SAMMSON: variants seen among roughly 807,000 people sequenced by gnomAD.
The protein encoded by SAMMSON is survival associated mitochondrial melanoma specific oncogenic non-coding RNA.
intron 4 of SAMMSON, among the ~76,000 whole-genome samples, chr3:70,163,355 A>T (rs1003495311): frequency 4.6e-5 from 6 of 130,456 alleles, no homozygotes; most frequent in African/African-American, 1.7e-4. Flanking sequence ...ATATATATAT[A>T]GAGAGAGAGA....
At chr3:70,145,520 A>T (rs1345183220) in intron 4 of SAMMSON, among the ~76,000 whole-genome samples, 1 of 152,156 alleles carries the variant, frequency 6.6e-6, no homozygotes, top group Non-Finnish European at 1.5e-5. Context: ...TACAATGTAT[A>T]AAACCAGAAA....
At chr3:70,281,973 G>A (rs180844692) in intron 6 of SAMMSON, among the ~76,000 whole-genome samples, 315 of 152,304 alleles carry the variant, frequency 2.1e-3, no homozygotes, top group African/African-American at 7.3e-3. Context: ...GCCAGTCCTG[G>A]CTTAGGATGG....
chr3:70,046,327 T>C lies in SAMMSON; in HGVS notation n.418-25149T>C, dbSNP rs570425792. On this transcript the variant is annotated intron_variant and non_coding_transcript_variant, in intron 3 of 9. Transcript: ENST00000642114. ...GATGCAGATCTTCCCGGTGAGCACT[T>C]TGGAGTCCTGCTGATTGGCTATAAG... 2.6e-5 allele frequency among the ~76,000 whole-genome samples: 4 copies of C among 152,182 alleles called. No individual in the cohort carries two copies. In the East Asian group the frequency reaches 7.8e-4, roughly 30 times the overall value.
At chr3:70,047,502 A>G (rs1464805467) in intron 3 of SAMMSON, among the ~76,000 whole-genome samples, 1 of 151,792 alleles carries the variant, frequency 6.6e-6, no homozygotes, top group Non-Finnish European at 1.5e-5. Flanking sequence ...ATGCACAGCT[A>G]ATTTTTGTAT....
chr3:70,156,429 A>C (rs546989418), intron 4 of SAMMSON, among the ~76,000 whole-genome samples: 1 of 152,140 alleles, frequency 6.6e-6, no homozygotes, highest in Admixed American at 6.6e-5. Flanking sequence ...TGTTCAGGCA[A>C]GGTCAGGAAA....
chr3:70,238,989 A>G (rs1701639184), intron 4 of SAMMSON, among the ~76,000 whole-genome samples: 1 of 152,216 alleles, frequency 6.6e-6, no homozygotes, highest in African/African-American at 2.4e-5. Context: ...AAATATTCAC[A>G]GAGTGGAAAT....
At chr3:70,008,191 C>T (rs926505692) in intron 1 of SAMMSON, among the ~76,000 whole-genome samples, 40 of 152,136 alleles carry the variant, frequency 2.6e-4, no homozygotes, top group East Asian at 5.8e-4. Context: ...AGAAAGTCAT[C>T]GGTAGCTTGA....
chr3:70,432,130 G>A (rs149854889), intron 2 of SAMMSON, among the ~76,000 whole-genome samples: 321 of 152,020 alleles, frequency 2.1e-3, no homozygotes, highest in African/African-American at 7.3e-3. Context: ...CAGCCAAACC[G>A]AGGAATTTGT....
chr3:70,176,307 A>T (rs1057051277), intron 4 of SAMMSON, among the ~76,000 whole-genome samples: 11 of 152,150 alleles, frequency 7.2e-5, no homozygotes, highest in African/African-American at 2.7e-4. Flanking sequence ...CAAGAAATGT[A>T]CTTGAAGGAA....
intron 4 of SAMMSON, chr3:70,206,884 C>G (rs1701296666): frequency 2.5e-6 from 1 of 395,420 alleles, no homozygotes; most frequent in East Asian, 3.6e-5. Flanking sequence ...TTTGACTTTC[C>G]TAAGATTAAA....
intron 4 of SAMMSON, among the ~76,000 whole-genome samples, chr3:70,226,168 T>G (rs1425873115): frequency 3.3e-5 from 5 of 152,192 alleles, no homozygotes; most frequent in African/African-American, 1.2e-4. Flanking sequence ...AGCATTTCCT[T>G]CACTCATTCG....
intron 4 of SAMMSON, among the ~76,000 whole-genome samples, chr3:70,189,689 T>C (rs866079528): frequency 6.6e-6 from 1 of 152,250 alleles, no homozygotes; most frequent in Non-Finnish European, 1.5e-5. Flanking sequence ...AGCTCCAGAT[T>C]TGGTAAGTAA....
chr3:70,299,141 A>G (rs1182073890), intron 7 of SAMMSON, among the ~76,000 whole-genome samples: 1 of 152,142 alleles, frequency 6.6e-6, no homozygotes, highest in Non-Finnish European at 1.5e-5. Flanking sequence ...ATATCCAAAC[A>G]TAGGTAATTG....
intron 7 of SAMMSON, chr3:70,292,182 A>C (rs1702245172): frequency 6.6e-6 from 1 of 152,194 alleles, no homozygotes; most frequent in Non-Finnish European, 1.5e-5. Context: ...TCTGAATTCA[A>C]GCTTCCCTTT....
intron 3 of SAMMSON, among the ~76,000 whole-genome samples, chr3:70,043,194 T>G (rs2107587052): frequency 6.6e-6 from 1 of 152,176 alleles, no homozygotes; most frequent in South Asian, 2.1e-4. Context: ...TGCCACTGAT[T>G]AGTTATGCAA....
At chr3:70,153,440 C>T (rs1432254895) in intron 4 of SAMMSON, among the ~76,000 whole-genome samples, 1 of 151,810 alleles carries the variant, frequency 6.6e-6, no homozygotes, top group African/African-American at 2.4e-5. Flanking sequence ...GCAACGGATA[C>T]CACTGAGGAA....
At chr3:70,045,490 T>C (rs1338392296) in intron 3 of SAMMSON, among the ~76,000 whole-genome samples, 5 of 151,702 alleles carry the variant, frequency 3.3e-5, no homozygotes, top group African/African-American at 1.2e-4. Context: ...AATAGTCCAA[T>C]GCCCTGCCAC....
chr3:70,076,636 G>C (rs1415642664), intron 4 of SAMMSON, among the ~76,000 whole-genome samples: 2 of 152,118 alleles, frequency 1.3e-5, no homozygotes, highest in African/African-American at 2.4e-5. Flanking sequence ...CTGAAAAACA[G>C]CACCTCTGAT....
At chr3:70,292,956 C>G (rs1702252887) in intron 7 of SAMMSON, among the ~76,000 whole-genome samples, 2 of 143,406 alleles carry the variant, frequency 1.4e-5, no homozygotes, top group Non-Finnish European at 3.0e-5. Flanking sequence ...CAATTAATTA[C>G]TAACAATTTA....
Sources: allele counts gnomAD v4.1 joint callset (sites outside exome capture counted in the v4.1 genomes callset), GRCh38; gene constraint gnomAD v4.1.1; transcripts MANE v1.5; gene names NCBI Gene and HGNC (gene_info 2026-07-23, HGNC 2026-07-21).